The following CAB39 variants were observed in gnomAD, a reference collection of about 807,000 sequenced individuals.
CAB39 encodes calcium binding protein 39.
Under a neutral mutation model 40.0 loss-of-function variants are expected in CAB39, and 8 were observed. The ratio of observed to expected loss-of-function variants is 0.20; its 90% CI spans 0.12 to 0.36. CAB39 has a LOEUF of 0.36. Among genes scored for constraint, CAB39 ranks in the 10% least tolerant of loss-of-function variants. The pLI, the probability that CAB39 is intolerant of heterozygous loss-of-function variation, is 1.00. For synonymous variants in CAB39, 156 were observed against 141.6 expected, an observed-to-expected ratio of 1.10 and a Z score of -0.72; for missense variants, 270 against 401.1, an observed-to-expected ratio of 0.67 and a Z score of 2.79.
intron 2 of CAB39, among the ~76,000 whole-genome samples, chr2:230,762,498 C>CAG (rs1360640596): frequency 1.3e-5 from 2 of 152,314 alleles, no homozygotes; most frequent in Admixed American, 1.3e-4. Context: ...CAGCAAAGAG[C>CAG]AGAGGTACCC....
At chr2:230,771,375 A>T (rs991257809) in intron 2 of CAB39, among the ~76,000 whole-genome samples, 32 of 152,222 alleles carry the variant, frequency 2.1e-4, no homozygotes, top group African/African-American at 7.7e-4. Flanking sequence ...ATGAAATGCT[A>T]AAAATACCAT....
chr2:230,723,933 C>T (rs1341018097), intron 1 of CAB39, among the ~76,000 whole-genome samples: 1 of 152,070 alleles, frequency 6.6e-6, no homozygotes, highest in Non-Finnish European at 1.5e-5. Flanking sequence ...CCGCCACATA[C>T]CAATTCAGTA....
At chr2:230,788,996 C>T (rs1257238061) in intron 2 of CAB39, among the ~76,000 whole-genome samples, 2 of 152,190 alleles carry the variant, frequency 1.3e-5, no homozygotes, top group Admixed American at 6.5e-5. Context: ...GCCCTTCCAC[C>T]TCTTTTGGGG....
chr2:230,813,354 T>C (rs372389463), intron 6 of CAB39, among the ~76,000 whole-genome samples: 1 of 152,176 alleles, frequency 6.6e-6, no homozygotes, highest in Non-Finnish European at 1.5e-5. Context: ...CTGTCAGTTC[T>C]TAAATTTGTG....
chr2:230,717,588 CTG>C (rs1482350587), intron 1 of CAB39, among the ~76,000 whole-genome samples: 1 of 152,186 alleles, frequency 6.6e-6, no homozygotes, highest in African/African-American at 2.4e-5. Context: ...GTAGAACAGT[CTG>C]TGAATAAAAT....
chr2:230,811,903 ATGT>A (rs1370344942), intron 6 of CAB39, among the ~76,000 whole-genome samples: 1 of 152,230 alleles, frequency 6.6e-6, no homozygotes, highest in Non-Finnish European at 1.5e-5. Flanking sequence ...AGCTTCCTAC[ATGT>A]TGTTAATAGA....
chr2:230,814,672 C>T (rs1299485688), intron 7 of CAB39, among the ~76,000 whole-genome samples: 2 of 152,174 alleles, frequency 1.3e-5, no homozygotes. Context: ...GGAATAAAGA[C>T]GTGCTCATTT....
chr2:230,773,314 A>ATATGTGTGTGTGTG lies in CAB39; in HGVS notation c.114+13200_114+13201insATGTGTGTGTGTGT, dbSNP rs371297550. 2.8e-3 allele frequency among the ~76,000 whole-genome samples: 376 copies of ATATGTGTGTGTGTG among 132,674 alleles called. 3 individuals are homozygous for ATATGTGTGTGTGTG. Among genetic ancestry groups the ATATGTGTGTGTGTG allele is most frequent in the African/African-American group, 9.2e-3 (299 of 32,414 alleles). 87.0% of individuals were successfully genotyped at this position (132,674 alleles called of 152,430 possible). A position where few individuals can be genotyped will look rare whatever the true frequency, so the allele number is the denominator to read the frequency against. ...GGTGTATGTGTATATATATATATAT[A>ATATGTGTGTGTGTG]TGTGTGTGTGTGTGTGTGTGTGTGT... On this transcript the variant is annotated intron_variant, in intron 2 of 8. Coordinates refer to ENST00000258418, the MANE Select transcript of CAB39 (RefSeq NM_016289.4).
chr2:230,777,919 C>T (rs902971748), intron 2 of CAB39, among the ~76,000 whole-genome samples: 1 of 152,142 alleles, frequency 6.6e-6, no homozygotes, highest in African/African-American at 2.4e-5. Context: ...AGGCCTTGCA[C>T]CTTTTAAAAC....
chr2:230,780,566 G>A (rs1409330328), intron 2 of CAB39, among the ~76,000 whole-genome samples: 1 of 152,134 alleles, frequency 6.6e-6, no homozygotes, highest in Non-Finnish European at 1.5e-5. Flanking sequence ...ATACTAGTCA[G>A]CTATTTTATA....
intron 1 of CAB39, among the ~76,000 whole-genome samples, chr2:230,753,890 T>A (rs1389344549): frequency 1.3e-5 from 2 of 152,262 alleles, no homozygotes; most frequent in Non-Finnish European, 2.9e-5. Context: ...TAGTTAAGGC[T>A]GTTTTAAAAC....
intron 1 of CAB39, among the ~76,000 whole-genome samples, chr2:230,751,857 G>A (rs1367286694): frequency 1.3e-5 from 2 of 152,076 alleles, no homozygotes; most frequent in Admixed American, 6.6e-5. Context: ...TACTAATAAT[G>A]ACTGTCTCTT....
At chr2:230,795,130 G>T (rs1695959961) in intron 4 of CAB39, among the ~76,000 whole-genome samples, 1 of 152,042 alleles carries the variant, frequency 6.6e-6, no homozygotes, top group Non-Finnish European at 1.5e-5. Flanking sequence ...ACAAAAATTA[G>T]CCGGGTGTGG....
At chr2:230,789,763 T>C (rs1013551011) in intron 2 of CAB39, among the ~76,000 whole-genome samples, 11 of 152,230 alleles carry the variant, frequency 7.2e-5, no homozygotes, top group Non-Finnish European at 1.2e-4. Context: ...CTAGTCTTCT[T>C]GGCCTCCCTG....
chr2:230,744,528 G>A (rs1559595341), intron 1 of CAB39, among the ~76,000 whole-genome samples: 1 of 151,858 alleles, frequency 6.6e-6, no homozygotes, highest in East Asian at 1.9e-4. Context: ...TCTTGACCTC[G>A]TGATCCGCTC....
At chr2:230,755,094 T>G (rs1244461586) in intron 1 of CAB39, among the ~76,000 whole-genome samples, 1 of 152,188 alleles carries the variant, frequency 6.6e-6, no homozygotes, top group Non-Finnish European at 1.5e-5. Flanking sequence ...AGTTTCTTTA[T>G]CCACTCGTTG....
chr2:230,798,285 CTA>C (rs1273902446), intron 4 of CAB39, among the ~76,000 whole-genome samples: 1 of 152,094 alleles, frequency 6.6e-6, no homozygotes, highest in Admixed American at 6.5e-5. Context: ...GGTATAAATT[CTA>C]TATGTTTGTA....
chr2:230,755,098 C>T (rs1402762137), intron 1 of CAB39, among the ~76,000 whole-genome samples: 1 of 152,120 alleles, frequency 6.6e-6, no homozygotes, highest in Non-Finnish European at 1.5e-5. Flanking sequence ...TCTTTATCCA[C>T]TCGTTGATTG....
intron 2 of CAB39, among the ~76,000 whole-genome samples, chr2:230,777,675 C>T (rs1277781920): frequency 1.3e-5 from 2 of 152,138 alleles, no homozygotes; most frequent in African/African-American, 4.8e-5. Context: ...TCCCAAAGTG[C>T]TGGGATTACA....
Sources: gnomAD v4.1 joint callset for allele counts (sites outside exome capture counted in the v4.1 genomes callset) on GRCh38, gnomAD v4.1.1 for gene constraint, MANE v1.5 for transcripts, NCBI Gene and HGNC (gene_info 2026-07-23, HGNC 2026-07-21) for gene names.